ZBTB49: variants seen among roughly 807,000 people sequenced by gnomAD.
The protein encoded by ZBTB49 is zinc finger and BTB domain-containing protein 49.
In ZBTB49, 43 loss-of-function variants were observed where a neutral mutation model predicts 57.5. That is an observed-to-expected ratio of 0.75 (90% CI 0.59 to 0.97). ZBTB49 has a LOEUF of 0.97. ZBTB49 is among the 50% of genes least tolerant of loss of function. ZBTB49 has a pLI of 0.00. For missense variants in ZBTB49, 938 were observed against 947.7 expected (o/e 0.99, Z 0.13); for synonymous variants, 369 against 362.1 (o/e 1.02, Z -0.22).
intron 1 of ZBTB49, among the ~76,000 whole-genome samples, chr4:4,290,821 C>G (rs1033565494): frequency 6.6e-6 from 1 of 152,240 alleles, no homozygotes; most frequent in Non-Finnish European, 1.5e-5. Flanking sequence ...CTTTGTGCCT[C>G]AGCCCCGCAT....
chr4:4,321,117 G>GTGGCGAACCACTGCAGGCCGA lies in ZBTB49; in HGVS notation c.2104_2124dup (p.Glu702_Gly708dup). ...TACTCGGATGTGGACACCCCAGCCGGTGGCGAACCACTGCAGGCCGATGGC... is the reference window on the plus strand; with the variant it reads ...TACTCGGATGTGGACACCCCAGCCGGTGGCGAACCACTGCAGGCCGATGGCGAACCACTGCAGGCCGATGGC... On this transcript the variant is annotated inframe_insertion, in exon 8 of 8. Coordinates refer to ENST00000337872, the MANE Select transcript of ZBTB49 (RefSeq NM_145291.4). The GTGGCGAACCACTGCAGGCCGA allele has an allele frequency of 6.2e-7, 1 of 1,614,170 alleles. No homozygotes were observed. The highest frequency in any genetic ancestry group is 8.5e-7 in the Non-Finnish European group (1 of 1,180,040).
chr4:4,314,974 T>C (rs889269310), intron 5 of ZBTB49, among the ~76,000 whole-genome samples: 1 of 152,224 alleles, frequency 6.6e-6, no homozygotes, highest in Admixed American at 6.5e-5. Flanking sequence ...CTTTCTTCCA[T>C]TAGTTCCCTT....
chr4:4,316,008 G>A (rs1721181811), intron 7 of ZBTB49, 38 bp downstream of exon 7: 1 of 1,606,978 alleles, frequency 6.2e-7, no homozygotes, highest in Non-Finnish European at 8.5e-7. Flanking sequence ...AGTCATCTGT[G>A]TGTGGGAAGG....
At chr4:4,318,613 CAAAAACAA>C (rs376419875) in intron 7 of ZBTB49, among the ~76,000 whole-genome samples, 4 of 152,058 alleles carry the variant, frequency 2.6e-5, no homozygotes, top group African/African-American at 9.6e-5. Flanking sequence ...ATCTCAAAAA[CAAAAACAA>C]AAAAACAAAA....
At position 4,321,007 on chromosome 4, in the gene ZBTB49, A is replaced by T; in HGVS notation, c.1989A>T (p.Gly663=). 6.2e-7 allele frequency: 1 copy of T among 1,614,148 alleles called. No individual in the cohort carries two copies. Among genetic ancestry groups the T allele is most frequent in the Non-Finnish European group, 8.5e-7 (1 of 1,180,030 alleles). ...TACGGTCCATGATCCAACCTCATGG[A>T]GTTAGTGACCAGGAGAAGCTGAGTT... ...CKLRSMIQPH[G]VSDQEKLSLD... The change falls in exon 8 of 8, where the codon GGA becomes GGT. Residue 663 remains glycine, a synonymous_variant. Transcript: ENST00000337872.
At chr4:4,295,490 A>C (rs141108873) in intron 1 of ZBTB49, among the ~76,000 whole-genome samples, 101 of 152,346 alleles carry the variant, frequency 6.6e-4, no homozygotes, top group African/African-American at 2.1e-3. Context: ...CAGATATGAT[A>C]TGCTTAGCAC....
At chr4:4,313,015 G>T (rs747603681) in intron 4 of ZBTB49, 26 bp from the exon 5 acceptor site, 2 of 1,612,212 alleles carry the variant, frequency 1.2e-6, no homozygotes, top group African/African-American at 2.7e-5. Flanking sequence ...CATTATTGGT[G>T]TGTTTTTCTT....
Position 4,321,219 on chromosome 4 carries a change from C to T in ZBTB49, c.2201C>T (p.Thr734Ile). The change falls in exon 8 of 8, where the codon ACC (threonine) becomes ATC (isoleucine). Residue 734 changes from threonine (T) to isoleucine (I), a missense_variant. Transcript: ENST00000337872. ...GDPLGSRASS[T>I]TYRNSEGQFF... ...CCCCTGGGCAGTCGAGCATCTTCCA[C>T]CACTTATAGGAACTCAGAGGGTCAG... The T allele has an allele frequency of 6.2e-7, 1 of 1,614,220 alleles. No individual in the cohort carries two copies. Among genetic ancestry groups the T allele is most frequent in the East Asian group, 2.2e-5 (1 of 44,888 alleles).
chr4:4,305,284 A>AG (rs1720687774), intron 3 of ZBTB49, among the ~76,000 whole-genome samples: 1 of 152,218 alleles, frequency 6.6e-6, no homozygotes, highest in Non-Finnish European at 1.5e-5. Context: ...CAAGGTAGCA[A>AG]GCCCCAACGA....
rs916385916 is a variant in ZBTB49, at chr4:4,302,865, T to A, written c.1029T>A (p.Asn343Lys). The A allele has an allele frequency of 1.2e-5, 20 of 1,613,486 alleles. No homozygotes were observed. Among genetic ancestry groups the A allele is most frequent in the Non-Finnish European group, 1.6e-5 (19 of 1,179,730 alleles). The change falls in exon 3 of 8, where the codon AAT becomes AAA. Residue 343 changes from asparagine (N) to lysine (K), a missense_variant. Asn to Lys is a moderately conservative substitution (Grantham distance 94, BLOSUM62 0). Coordinates refer to ENST00000337872, the MANE Select transcript of ZBTB49 (RefSeq NM_145291.4). ...AGAGGTTGGAATCTGCTAGTAAAAA[T>A]ACCCTAGAGAAAGCTAGCAGCCAAA... ...LTKRLESASK[N>K]TLEKASSQSA...
intron 7 of ZBTB49, among the ~76,000 whole-genome samples, chr4:4,318,894 CTT>C (rs113390733): frequency 1.2e-3 from 157 of 130,922 alleles, no homozygotes; most frequent in African/African-American, 2.3e-3. Context: ...TTTTTTTAAT[CTT>C]TTTTTTTTTT....
intron 4 of ZBTB49, among the ~76,000 whole-genome samples, chr4:4,311,127 G>A (rs988362786): frequency 2.0e-5 from 3 of 151,996 alleles, no homozygotes; most frequent in Non-Finnish European, 2.9e-5. Context: ...GTACAAAATA[G>A]GTAAAGAACA....
chr4:4,294,467 C>T (rs1341388638), intron 1 of ZBTB49, among the ~76,000 whole-genome samples: 1 of 152,166 alleles, frequency 6.6e-6, no homozygotes, highest in East Asian at 1.9e-4. Flanking sequence ...AGCGATTCTC[C>T]TGCCTCAGCC....
intron 4 of ZBTB49, among the ~76,000 whole-genome samples, chr4:4,310,095 A>G (rs1171284821): frequency 2.0e-5 from 3 of 152,224 alleles, no homozygotes; most frequent in African/African-American, 7.2e-5. Context: ...TCATGTTTAA[A>G]TACTGAGGTT....
chr4:4,310,511 A>T lies in ZBTB49; in HGVS notation c.1303-2530A>T, dbSNP rs887444154. Among the ~76,000 whole-genome samples, 99 of 141,360 alleles carry T rather than the reference A, an allele frequency of 7.0e-4. 1 individual carries two copies. Among genetic ancestry groups the T allele is most frequent in the African/African-American group, 2.4e-3 (91 of 38,280 alleles). 92.7% of individuals were successfully genotyped at this position (141,360 alleles called of 152,430 possible). A position where few individuals can be genotyped will look rare whatever the true frequency, so the allele number is the denominator to read the frequency against. On this transcript the variant is annotated intron_variant, in intron 4 of 7. Transcript: ENST00000337872. ...AGAGCTATTATTACCACTTGCTAGA[A>T]TTTTTTTTTTTTTTTTGAGATGGAG...
intron 4 of ZBTB49, among the ~76,000 whole-genome samples, chr4:4,309,774 TAGTG>T (rs1332495077): frequency 1.3e-5 from 2 of 152,214 alleles, no homozygotes; most frequent in East Asian, 3.8e-4. Flanking sequence ...TAAGGACACT[TAGTG>T]AGCTTGGCCC....
At chr4:4,310,527 T>TTTA (rs55895979) in intron 4 of ZBTB49, among the ~76,000 whole-genome samples, 1 of 151,540 alleles carries the variant, frequency 6.6e-6, no homozygotes, top group African/African-American at 2.4e-5. Flanking sequence ...TTTTTTTTTT[T>TTTA]GAGATGGAGT....
At chr4:4,309,253 T>G (rs1279976497) in intron 4 of ZBTB49, among the ~76,000 whole-genome samples, 1 of 152,094 alleles carries the variant, frequency 6.6e-6, no homozygotes, top group Non-Finnish European at 1.5e-5. Context: ...CATCTTAGAG[T>G]GACCACAGAA....
At chr4:4,310,784 GCTGGGATTA>G (rs1720955370) in intron 4 of ZBTB49, among the ~76,000 whole-genome samples, 2 of 151,814 alleles carry the variant, frequency 1.3e-5, no homozygotes, top group Admixed American at 1.3e-4. Flanking sequence ...CTCCCAAAGT[GCTGGGATTA>G]CGGGCATGAG....
Sources: gnomAD v4.1 joint callset for allele counts (sites outside exome capture counted in the v4.1 genomes callset) on GRCh38, gnomAD v4.1.1 for gene constraint, MANE v1.5 for transcripts, NCBI Gene and HGNC (gene_info 2026-07-23, HGNC 2026-07-21) for gene names.